LRRC4C: variants seen among roughly 807,000 people sequenced by gnomAD.
LRRC4C encodes the protein leucine rich repeat containing 4C, also known as leucine-rich repeat-containing protein 4C.
A neutral mutation model predicts 33.6 loss-of-function variants in LRRC4C; 5 were observed. The observed-to-expected ratio is 0.15, with a 90% CI of 0.08 to 0.31. The LOEUF is 0.31. Among genes scored for constraint, LRRC4C ranks in the 10% least tolerant of loss-of-function variants. The pLI, the probability that LRRC4C is intolerant of heterozygous loss-of-function variation, is 1.00. For missense variants in LRRC4C, 560 were observed against 796.7 expected (o/e 0.70, Z 3.58); for synonymous variants, 329 against 302.0 (o/e 1.09, Z -0.93).
At chr11:40,238,712 G>C (rs1292888222) in intron 5 of LRRC4C, among the ~76,000 whole-genome samples, 1 of 152,122 alleles carries the variant, frequency 6.6e-6, no homozygotes, top group Non-Finnish European at 1.5e-5. Flanking sequence ...AACATCTAAT[G>C]TATAAAAGAG....
chr11:41,106,965 A>G (rs1213299306), intron 1 of LRRC4C, among the ~76,000 whole-genome samples: 1 of 151,728 alleles, frequency 6.6e-6, no homozygotes, highest in East Asian at 1.9e-4. Flanking sequence ...GTGAGCTGTG[A>G]TTGCACCATG....
chr11:40,839,630 G>A lies in LRRC4C; in HGVS notation c.-407+94005C>T, dbSNP rs149740677. On this transcript the variant is annotated intron_variant, in intron 2 of 6. Transcript: ENST00000528697. ...GTGAACTGGCCAAGAGGAAGAAAGC[G>A]ATTGAATTTCCAAAGAAGGAGAGTC... is the stretch of plus-strand genomic sequence containing the variant. 3.2e-3 allele frequency among the ~76,000 whole-genome samples: 491 copies of A among 152,262 alleles called. 16 individuals carry two copies. In the East Asian group the frequency reaches 0.076, roughly 24 times the overall value.
chr11:41,163,828 T>C (rs1014549103), intron 1 of LRRC4C, among the ~76,000 whole-genome samples: 2 of 152,078 alleles, frequency 1.3e-5, no homozygotes, highest in South Asian at 2.1e-4. Context: ...GCCAGGCTGG[T>C]CTCGAACTCC....
At chr11:40,705,723 G>C (rs565316057) in intron 2 of LRRC4C, among the ~76,000 whole-genome samples, 1 of 152,016 alleles carries the variant, frequency 6.6e-6, no homozygotes, top group Non-Finnish European at 1.5e-5. Context: ...TATATACCAC[G>C]TAATGGGATC....
At chr11:40,513,087 C>A (rs957625687) in intron 3 of LRRC4C, among the ~76,000 whole-genome samples, 1 of 151,188 alleles carries the variant, frequency 6.6e-6, no homozygotes, top group Non-Finnish European at 1.5e-5. Context: ...GTCTCTACTA[C>A]AAATACAAAA....
At chr11:41,373,176 T>A (rs534006038) in intron 1 of LRRC4C, among the ~76,000 whole-genome samples, 2 of 152,218 alleles carry the variant, frequency 1.3e-5, no homozygotes, top group South Asian at 4.1e-4. Context: ...TTAGACCCAG[T>A]TTGCACAATG....
At chr11:40,351,884 T>C (rs1462753150) in intron 3 of LRRC4C, among the ~76,000 whole-genome samples, 2 of 152,100 alleles carry the variant, frequency 1.3e-5, no homozygotes, top group East Asian at 1.9e-4. Flanking sequence ...TCTTTTTTCA[T>C]CCCTTTATTT....
chr11:41,202,381 C>A (rs1473729789), intron 1 of LRRC4C, among the ~76,000 whole-genome samples: 1 of 152,124 alleles, frequency 6.6e-6, no homozygotes, highest in East Asian at 1.9e-4. Context: ...TTCAGCTGCT[C>A]CATCCAAAGT....
intron 3 of LRRC4C, among the ~76,000 whole-genome samples, chr11:40,507,427 T>A (rs550885553): frequency 6.8e-6 from 1 of 146,164 alleles, no homozygotes; most frequent in African/African-American, 2.4e-5. Context: ...AAATTAAAAC[T>A]TTTTTTTAAC....
chr11:40,771,795 C>T (rs1182234293), intron 2 of LRRC4C, among the ~76,000 whole-genome samples: 1 of 152,128 alleles, frequency 6.6e-6, no homozygotes, highest in African/African-American at 2.4e-5. Flanking sequence ...TCTGAGACCA[C>T]CTCAACACAG....
At chr11:41,182,938 A>G (rs1054235657) in intron 1 of LRRC4C, among the ~76,000 whole-genome samples, 1 of 152,000 alleles carries the variant, frequency 6.6e-6, no homozygotes, top group Non-Finnish European at 1.5e-5. Flanking sequence ...GGAGCAAATC[A>G]CATCTTACAT....
At chr11:40,136,604 G>T (rs7929592) in intron 6 of LRRC4C, among the ~76,000 whole-genome samples, 22,445 of 151,892 alleles carry the variant, frequency 0.15, 2,568 homozygotes, top group African/African-American at 0.33. Flanking sequence ...TTACCTACTC[G>T]CTTCAATCCC....
chr11:40,899,098 G>GAAAA (rs374704933), intron 2 of LRRC4C, among the ~76,000 whole-genome samples: 5 of 149,044 alleles, frequency 3.4e-5, no homozygotes, highest in African/African-American at 1.2e-4. Context: ...TGGTCATTTT[G>GAAAA]AAAAAAAAAA....
chr11:41,090,242 G>A (rs1410664251), intron 1 of LRRC4C, among the ~76,000 whole-genome samples: 1 of 151,962 alleles, frequency 6.6e-6, no homozygotes, highest in Non-Finnish European at 1.5e-5. Context: ...TATGTGAGAG[G>A]AGAGAGAAAC....
At chr11:40,663,965 C>T (rs1410514078) in intron 2 of LRRC4C, among the ~76,000 whole-genome samples, 1 of 152,162 alleles carries the variant, frequency 6.6e-6, no homozygotes, top group Non-Finnish European at 1.5e-5. Flanking sequence ...TTCCAATCTT[C>T]TTGATGATTT....
chr11:40,141,691 C>G (rs1857377460), intron 5 of LRRC4C, among the ~76,000 whole-genome samples: 2 of 152,038 alleles, frequency 1.3e-5, no homozygotes, highest in Admixed American at 6.5e-5. Flanking sequence ...ATGGAGAGAA[C>G]AACAGGGAGG....
intron 2 of LRRC4C, among the ~76,000 whole-genome samples, chr11:40,750,351 C>A: frequency 6.6e-6 from 1 of 151,994 alleles, no homozygotes; most frequent in Non-Finnish European, 1.5e-5. Flanking sequence ...CTAACTCATT[C>A]TATGAAGCCA....
At chr11:41,444,483 C>T (rs1955755736) in intron 1 of LRRC4C, among the ~76,000 whole-genome samples, 1 of 152,176 alleles carries the variant, frequency 6.6e-6, no homozygotes, top group Non-Finnish European at 1.5e-5. Flanking sequence ...CGGGTGGGTG[C>T]TAGAACCAAT....
At chr11:40,649,414 C>T (rs1942653098) in intron 2 of LRRC4C, among the ~76,000 whole-genome samples, 4 of 152,160 alleles carry the variant, frequency 2.6e-5, no homozygotes, top group African/African-American at 2.4e-5. Context: ...TGTATAGGCT[C>T]TCTGCAAGAA....
Sources: gnomAD v4.1 joint callset for allele counts (sites outside exome capture counted in the v4.1 genomes callset) on GRCh38, gnomAD v4.1.1 for gene constraint, MANE v1.5 for transcripts, NCBI Gene and HGNC (gene_info 2026-07-23, HGNC 2026-07-21) for gene names.